Variants in EPB41L5 observed in about 807,000 individuals in gnomAD.
EPB41L5 encodes the protein erythrocyte membrane protein band 4.1 like 5, also known as band 4.1-like protein 5.
EPB41L5 carries 55 observed loss-of-function variants against 106.6 expected under a neutral mutation model. The observed-to-expected ratio is 0.52, with a 90% CI of 0.42 to 0.65. The LOEUF is 0.65. Among genes scored for constraint, EPB41L5 ranks in the 30% least tolerant of loss-of-function variants. The probability of loss-of-function intolerance (pLI) is 0.00; values close to 1 mark genes in which losing one functional copy is unlikely to be tolerated. For synonymous variants in EPB41L5, 297 were observed against 306.7 expected, an observed-to-expected ratio of 0.97 and a Z score of 0.33; for missense variants, 871 against 882.1, an observed-to-expected ratio of 0.99 and a Z score of 0.16.
chr2:120,126,056 A>G (rs1404124993), intron 16 of EPB41L5, among the ~76,000 whole-genome samples: 2 of 152,156 alleles, frequency 1.3e-5, no homozygotes, highest in Non-Finnish European at 2.9e-5. Flanking sequence ...CCCATTTTAT[A>G]AGAATATCAG....
intron 20 of EPB41L5, among the ~76,000 whole-genome samples, chr2:120,152,858 C>T (rs1686738996): frequency 6.6e-6 from 1 of 152,202 alleles, no homozygotes; most frequent in Admixed American, 6.5e-5. Flanking sequence ...TTGCATTTCA[C>T]CTAGGTGATT....
chr2:120,125,216 G>A lies in EPB41L5; in HGVS notation c.1338-2472G>A, dbSNP rs369902396. ...GCATAGACTCATGTATTTTTTCAGT[G>A]TGTTATTATCTGTTTCTGTAATTAT... On this transcript the variant is annotated intron_variant, in intron 16 of 24. Transcript: ENST00000263713. Among the ~76,000 whole-genome samples, 3 of 152,098 alleles carry A rather than the reference G, an allele frequency of 2.0e-5. No homozygotes were observed. In the East Asian group the frequency reaches 5.8e-4, roughly 29 times the overall value.
intron 2 of EPB41L5, among the ~76,000 whole-genome samples, chr2:120,032,734 A>G (rs1213442862): frequency 6.6e-6 from 1 of 152,220 alleles, no homozygotes; most frequent in African/African-American, 2.4e-5. Context: ...GAATCTTCTG[A>G]AGCCTTTAAT....
At chr2:120,028,678 G>C (rs1191620903) in intron 2 of EPB41L5, among the ~76,000 whole-genome samples, 2 of 152,206 alleles carry the variant, frequency 1.3e-5, no homozygotes, top group East Asian at 3.8e-4. Flanking sequence ...GCATAGGAAA[G>C]AGTGCCTGCT....
intron 20 of EPB41L5, 65 bp downstream of exon 20, chr2:120,146,354 C>G (rs1686405128): frequency 8.4e-7 from 1 of 1,188,408 alleles, no homozygotes; most frequent in Admixed American, 1.8e-5. Context: ...TTTTTCTTCT[C>G]AGTCTGTCAC....
chr2:120,056,100 A>G (rs568164361), intron 3 of EPB41L5, among the ~76,000 whole-genome samples: 2 of 152,234 alleles, frequency 1.3e-5, no homozygotes, highest in African/African-American at 4.8e-5. Flanking sequence ...GATTGAGGGA[A>G]GGTCTTTTCT....
chr2:120,115,312 T>C (rs531464896), intron 16 of EPB41L5, among the ~76,000 whole-genome samples: 1 of 152,344 alleles, frequency 6.6e-6, no homozygotes, highest in East Asian at 1.9e-4. Context: ...TGTCATGTCT[T>C]TTTTTGTTTC....
chr2:120,173,101 A>G (rs1319238655), intron 24 of EPB41L5, among the ~76,000 whole-genome samples: 1 of 152,218 alleles, frequency 6.6e-6, no homozygotes, highest in Non-Finnish European at 1.5e-5. Flanking sequence ...CCATCACGAC[A>G]ACAAAAAAAT....
chr2:120,032,883 C>A (rs184873486), intron 2 of EPB41L5, among the ~76,000 whole-genome samples: 57 of 152,240 alleles, frequency 3.7e-4, no homozygotes, highest in African/African-American at 1.3e-3. Context: ...TGCTTGAGGG[C>A]AAATATAAGC....
At chr2:120,060,106 C>T (rs1160106254) in intron 3 of EPB41L5, among the ~76,000 whole-genome samples, 1 of 152,218 alleles carries the variant, frequency 6.6e-6, no homozygotes, top group Non-Finnish European at 1.5e-5. Context: ...AACATGGTGA[C>T]AACTCCAAAT....
intron 22 of EPB41L5, 34 bp from the exon 23 acceptor site, chr2:120,167,432 A>G (rs1231082158): frequency 1.3e-6 from 2 of 1,588,456 alleles, no homozygotes; most frequent in Non-Finnish European, 1.7e-6. Flanking sequence ...CAGTCTTTCC[A>G]AAAAGTAAAT....
intron 16 of EPB41L5, among the ~76,000 whole-genome samples, chr2:120,102,451 T>C (rs1261500814): frequency 6.6e-6 from 1 of 152,046 alleles, no homozygotes; most frequent in Non-Finnish European, 1.5e-5. Flanking sequence ...TGGAACTGAA[T>C]ATAGAGCTGG....
At chr2:120,123,853 T>C (rs1685341559) in intron 16 of EPB41L5, among the ~76,000 whole-genome samples, 1 of 151,844 alleles carries the variant, frequency 6.6e-6, no homozygotes, top group Admixed American at 6.6e-5. Context: ...AGATGGGGTT[T>C]TGCCATGTTG....
intron 2 of EPB41L5, among the ~76,000 whole-genome samples, chr2:120,019,483 C>T (rs1485317869): frequency 6.6e-6 from 1 of 152,158 alleles, no homozygotes; most frequent in Non-Finnish European, 1.5e-5. Context: ...TGGCGATTAC[C>T]TGAAACATTT....
At position 120,175,053 on chromosome 2, in the gene EPB41L5, G is replaced by C; in HGVS notation, c.*146G>C. ...TGACTTCAACTCCGTAAAAAAGACAGCTGTATTTTCCGTCCAACTGGAATT... is the reference window on the plus strand; with the variant it reads ...TGACTTCAACTCCGTAAAAAAGACACCTGTATTTTCCGTCCAACTGGAATT... On this transcript the variant is annotated 3_prime_UTR_variant, in exon 25 of 25. Transcript: ENST00000263713. 1 of 760,378 alleles carries C rather than the reference G, an allele frequency of 1.3e-6. No homozygotes were observed. The highest frequency in any genetic ancestry group is 2.3e-6 in the Non-Finnish European group (1 of 432,870). The allele number at this position is 760,378 out of a possible 1,614,324, so 47.1% of individuals were successfully genotyped here.
At chr2:120,029,159 G>T (rs924165142) in intron 2 of EPB41L5, among the ~76,000 whole-genome samples, 23 of 152,016 alleles carry the variant, frequency 1.5e-4, no homozygotes, top group African/African-American at 4.8e-4. Context: ...AGTAATTGCG[G>T]TTTTTGTTGT....
intron 16 of EPB41L5, among the ~76,000 whole-genome samples, chr2:120,118,848 G>T (rs760130972): frequency 2.6e-5 from 4 of 152,150 alleles, no homozygotes; most frequent in Non-Finnish European, 5.9e-5. Flanking sequence ...TTGGGTATAT[G>T]CCCAGTAATG....
intron 16 of EPB41L5, among the ~76,000 whole-genome samples, chr2:120,115,452 G>A (rs112566244): frequency 6.6e-6 from 1 of 151,832 alleles, no homozygotes; most frequent in African/African-American, 2.4e-5. Context: ...TCACCCAGCC[G>A]GGAGTGCAGT....
rs59204598 is a variant in EPB41L5 at position 120,142,113 on chromosome 2, TA to T, written c.1600-869del. ...AACTTAGTCTCTGTGCTTTCTTTTT[TA>T]AAAAAAAAAAAAAAAAAAAACAAGG... is the stretch of plus-strand genomic sequence containing the variant. On this transcript the variant is annotated intron_variant, in intron 18 of 24. Transcript: ENST00000263713. Among the ~76,000 whole-genome samples, 421 of 143,088 alleles carry T rather than the reference TA, an allele frequency of 2.9e-3. 2 individuals carry two copies. Among genetic ancestry groups the T allele is most frequent in the Middle Eastern group, 7.1e-3 (2 of 280 alleles). 93.9% of individuals were successfully genotyped at this position (143,088 alleles called of 152,430 possible). A position where few individuals can be genotyped will look rare whatever the true frequency, so the allele number is the denominator to read the frequency against.
Sources: gnomAD v4.1 joint callset for allele counts (sites outside exome capture counted in the v4.1 genomes callset) on GRCh38, gnomAD v4.1.1 for gene constraint, MANE v1.5 for transcripts, NCBI Gene and HGNC (gene_info 2026-07-23, HGNC 2026-07-21) for gene names.